Variants in THSD4 observed in about 807,000 individuals in gnomAD.
THSD4 encodes the protein thrombospondin type-1 domain-containing protein 4.
In THSD4, 69 loss-of-function variants were observed where a neutral mutation model predicts 119.0. The ratio of observed to expected loss-of-function variants is 0.58; its 90% CI spans 0.48 to 0.71. The LOEUF is 0.71. Among genes scored for constraint, THSD4 ranks in the 30% least tolerant of loss-of-function variants. THSD4 has a pLI of 0.00. For missense variants in THSD4, 1,393 were observed against 1,391.1 expected (o/e 1.00, Z -0.02); for synonymous variants, 524 against 540.4 (o/e 0.97, Z 0.42).
At position 71,763,982 on chromosome 15, in the gene THSD4, A is replaced by C. The variant is rs184679147; in HGVS notation, c.2590-1038A>C. Among the ~76,000 whole-genome samples, 8 of 152,124 alleles carry C rather than the reference A, an allele frequency of 5.3e-5. No homozygotes were observed. In the East Asian group the frequency reaches 1.6e-3, roughly 30 times the overall value. ...CTCTGGAGGCTGAGGTGGGATGATC[A>C]CTTGAGTCTGGGGAGTGGAGGTTGC... On this transcript the variant is annotated intron_variant, in intron 15 of 17. Coordinates refer to ENST00000261862, the MANE Select transcript of THSD4 (RefSeq NM_024817.3).
At chr15:71,650,375 C>T (rs1455491544) in intron 7 of THSD4, among the ~76,000 whole-genome samples, 1 of 152,148 alleles carries the variant, frequency 6.6e-6, no homozygotes, top group Non-Finnish European at 1.5e-5. Flanking sequence ...TGTTAAACTG[C>T]AGATTCTGAT....
At chr15:71,728,846 G>C (rs896264236) in intron 9 of THSD4, 122 bp downstream of exon 9, 1 of 1,307,848 alleles carries the variant, frequency 7.6e-7, no homozygotes, top group Non-Finnish European at 1.1e-6. Context: ...TTTGAGCAGA[G>C]CCTGTTGGAG....
chr15:71,749,697 T>TTTTATTTATTTA (rs71131703), intron 14 of THSD4, among the ~76,000 whole-genome samples: 13,440 of 137,498 alleles, frequency 0.098, 1,054 homozygotes, highest in Non-Finnish European at 0.13. Flanking sequence ...ATTTTTAAAT[T>TTTTATTTATTTA]TTTATTTATT....
intron 1 of THSD4, among the ~76,000 whole-genome samples, chr15:71,123,094 G>A (rs2040421467): frequency 6.6e-6 from 1 of 152,232 alleles, no homozygotes; most frequent in South Asian, 2.1e-4. Flanking sequence ...CTCTTAGCAA[G>A]GGGTGTGAGA....
At chr15:71,542,510 A>G (rs1456635756) in intron 7 of THSD4, among the ~76,000 whole-genome samples, 1 of 152,180 alleles carries the variant, frequency 6.6e-6, no homozygotes, top group African/African-American at 2.4e-5. Context: ...TGTGATAAGA[A>G]GGGCATTTTG....
intron 7 of THSD4, among the ~76,000 whole-genome samples, chr15:71,455,133 G>A (rs377717862): frequency 1.4e-4 from 22 of 152,332 alleles, no homozygotes; most frequent in African/African-American, 4.6e-4. Flanking sequence ...TTGTGGCTGT[G>A]TGTATTTGTT....
At chr15:71,463,754 A>G (rs2047458528) in intron 7 of THSD4, among the ~76,000 whole-genome samples, 1 of 152,164 alleles carries the variant, frequency 6.6e-6, no homozygotes, top group South Asian at 2.1e-4. Flanking sequence ...TATTATCCTG[A>G]TTAGACTCCA....
chr15:71,657,020 T>C (rs2051204734), intron 7 of THSD4, among the ~76,000 whole-genome samples: 1 of 152,186 alleles, frequency 6.6e-6, no homozygotes, highest in Non-Finnish European at 1.5e-5. Flanking sequence ...CAGGCTGGGA[T>C]ATTGCAACAT....
intron 3 of THSD4, among the ~76,000 whole-genome samples, chr15:71,204,102 G>C (rs760094965): frequency 5.9e-5 from 9 of 152,186 alleles, no homozygotes; most frequent in Non-Finnish European, 1.3e-4. Flanking sequence ...AACCACACCA[G>C]GCACTGCACA....
At chr15:71,201,151 G>A (rs999698820) in intron 3 of THSD4, among the ~76,000 whole-genome samples, 2 of 151,840 alleles carry the variant, frequency 1.3e-5, no homozygotes, top group Non-Finnish European at 2.9e-5. Context: ...TAGGCCCAAT[G>A]ACCAACACTC....
intron 7 of THSD4, among the ~76,000 whole-genome samples, chr15:71,510,687 C>T (rs2048269140): frequency 6.6e-6 from 1 of 152,208 alleles, no homozygotes; most frequent in Admixed American, 6.5e-5. Flanking sequence ...AGCCCAGCCT[C>T]ATGTTCTGTT....
chr15:71,283,245 A>T lies in THSD4; in HGVS notation c.1015+26530A>T, dbSNP rs138478034. 4.6e-3 allele frequency among the ~76,000 whole-genome samples: 701 copies of T among 152,278 alleles called. 10 individuals carry two copies. Among genetic ancestry groups the T allele is most frequent in the African/African-American group, 0.015 (608 of 41,554 alleles). On this transcript the variant is annotated intron_variant, in intron 6 of 17. Coordinates refer to ENST00000261862, the MANE Select transcript of THSD4 (RefSeq NM_024817.3). ...CGGCCTCCCAAAGTGCTGGGATTAC[A>T]GGCGTGAGCCATCGCGCCCGGCCAG...
intron 6 of THSD4, among the ~76,000 whole-genome samples, chr15:71,397,115 C>T (rs920230983): frequency 1.2e-4 from 18 of 152,222 alleles, no homozygotes; most frequent in Admixed American, 9.2e-4. Flanking sequence ...ACCTCTGCAG[C>T]CTCACCAGGT....
At chr15:71,691,562 A>G (rs2052050182) in intron 8 of THSD4, among the ~76,000 whole-genome samples, 2 of 152,188 alleles carry the variant, frequency 1.3e-5, no homozygotes, top group African/African-American at 4.8e-5. Flanking sequence ...AGATTGTTTC[A>G]TTTCTCTGAC....
chr15:71,363,751 C>T (rs2045923109), intron 6 of THSD4, among the ~76,000 whole-genome samples: 1 of 152,166 alleles, frequency 6.6e-6, no homozygotes. Context: ...TAATTGGCCT[C>T]TTGGGGACCA....
chr15:71,345,862 C>T (rs2045652709), intron 6 of THSD4, among the ~76,000 whole-genome samples: 1 of 151,418 alleles, frequency 6.6e-6, no homozygotes, highest in South Asian at 2.1e-4. Flanking sequence ...AAGCCCTGTA[C>T]GAAGAGTTCT....
chr15:71,165,891 G>A (rs1187925480), intron 3 of THSD4, among the ~76,000 whole-genome samples: 2 of 152,140 alleles, frequency 1.3e-5, no homozygotes, highest in East Asian at 3.9e-4. Flanking sequence ...GCTGCATGGG[G>A]CTCTTTCTGA....
chr15:71,616,774 A>T (rs2050325432), intron 7 of THSD4, among the ~76,000 whole-genome samples: 2 of 152,350 alleles, frequency 1.3e-5, no homozygotes, highest in South Asian at 4.1e-4. Context: ...ATTGGGCAAG[A>T]GGCTTGGATT....
chr15:71,301,050 G>A (rs1194681988), intron 6 of THSD4, among the ~76,000 whole-genome samples: 1 of 152,086 alleles, frequency 6.6e-6, no homozygotes, highest in East Asian at 1.9e-4. Context: ...GCAGGACAAG[G>A]GAAATTTCTC....
Sources: gnomAD v4.1 joint callset for allele counts (sites outside exome capture counted in the v4.1 genomes callset) on GRCh38, gnomAD v4.1.1 for gene constraint, MANE v1.5 for transcripts, NCBI Gene and HGNC (gene_info 2026-07-23, HGNC 2026-07-21) for gene names.